The following FRMD4A variants were observed in gnomAD, a reference collection of about 807,000 sequenced individuals.
FRMD4A encodes the protein FERM domain containing 4A.
In FRMD4A, 29 loss-of-function variants were observed where a neutral mutation model predicts 129.1. The ratio of observed to expected loss-of-function variants is 0.22; its 90% CI spans 0.17 to 0.31. The LOEUF is 0.31. Among genes scored for constraint, FRMD4A ranks in the 10% least tolerant of loss-of-function variants. FRMD4A has a pLI of 1.00. For missense variants in FRMD4A, 1,272 were observed against 1,375.8 expected, an observed-to-expected ratio of 0.92 and a Z score of 1.19; for synonymous variants, 634 against 571.6, an observed-to-expected ratio of 1.11 and a Z score of -1.56.
At chr10:14,090,762 A>G (rs1447996329) in intron 2 of FRMD4A, among the ~76,000 whole-genome samples, 4 of 152,244 alleles carry the variant, frequency 2.6e-5, no homozygotes, top group Non-Finnish European at 5.9e-5. Context: ...CCGTGGATAT[A>G]AATTCATGAG....
intron 2 of FRMD4A, among the ~76,000 whole-genome samples, chr10:14,056,840 G>A (rs925553130): frequency 6.6e-6 from 1 of 152,144 alleles, no homozygotes; most frequent in African/African-American, 2.4e-5. Flanking sequence ...TATAGTTCTT[G>A]TTCTCTGTCA....
At chr10:13,750,113 A>AAAGAAAGAAAGAAATG (rs71388113) in intron 8 of FRMD4A, among the ~76,000 whole-genome samples, 3,582 of 106,620 alleles carry the variant, frequency 0.034, 136 homozygotes, top group Non-Finnish European at 0.046. Flanking sequence ...AGAAATGAAG[A>AAAGAAAGAAAGAAATG]AAGAAAGAAA....
At chr10:14,162,235 C>G (rs1840927806) in intron 2 of FRMD4A, among the ~76,000 whole-genome samples, 1 of 152,206 alleles carries the variant, frequency 6.6e-6, no homozygotes, top group African/African-American at 2.4e-5. Context: ...GGCCACCACA[C>G]TAGACAAGGC....
intron 3 of FRMD4A, among the ~76,000 whole-genome samples, chr10:13,832,652 C>T (rs1336322348): frequency 6.6e-6 from 1 of 152,142 alleles, no homozygotes; most frequent in Non-Finnish European, 1.5e-5. Flanking sequence ...CTCTTGGGAT[C>T]CTGCTAGGAA....
At chr10:14,184,298 A>ATGTTTTTTTTTTTTTTTTTTTTTTTTT (rs1842007059) in intron 2 of FRMD4A, among the ~76,000 whole-genome samples, 1 of 104,908 alleles carries the variant, frequency 9.5e-6, no homozygotes, top group Non-Finnish European at 2.0e-5. Flanking sequence ...CAACCGGTTA[A>ATGTTTTTTTTTTTTTTTTTTTTTTTTT]TTTTTTTTTT....
At chr10:14,253,882 C>T (rs1379420352) in intron 2 of FRMD4A, among the ~76,000 whole-genome samples, 1 of 152,142 alleles carries the variant, frequency 6.6e-6, no homozygotes, top group Non-Finnish European at 1.5e-5. Flanking sequence ...GTTTATGAAT[C>T]CTCTGTGGGT....
At chr10:13,649,008 A>G (rs1469493919) in intron 24 of FRMD4A, among the ~76,000 whole-genome samples, 1 of 152,164 alleles carries the variant, frequency 6.6e-6, no homozygotes. Flanking sequence ...CATATATTAA[A>G]GGTTCTGAGA....
intron 2 of FRMD4A, among the ~76,000 whole-genome samples, chr10:14,055,632 T>A (rs1003744894): frequency 6.6e-6 from 1 of 152,250 alleles, no homozygotes; most frequent in African/African-American, 2.4e-5. Flanking sequence ...AGATATTTGC[T>A]CTTTTCAGTT....
At chr10:14,304,045 A>C (rs1165557357) in intron 2 of FRMD4A, among the ~76,000 whole-genome samples, 2 of 152,194 alleles carry the variant, frequency 1.3e-5, no homozygotes, top group Non-Finnish European at 2.9e-5. Context: ...GCTGATAGAC[A>C]CTTGAGTTGC....
intron 2 of FRMD4A, among the ~76,000 whole-genome samples, chr10:14,055,464 C>A (rs200958421): frequency 6.6e-4 from 26 of 39,400 alleles, no homozygotes; most frequent in Admixed American, 1.9e-3. Context: ...CACACACAAA[C>A]ACACACACAC....
At chr10:14,142,369 T>G (rs1006580206) in intron 2 of FRMD4A, among the ~76,000 whole-genome samples, 1 of 152,198 alleles carries the variant, frequency 6.6e-6, no homozygotes, top group Non-Finnish European at 1.5e-5. Context: ...AGCAGAAAAT[T>G]TGATCTAGTA....
At position 13,800,531 on chromosome 10, in the gene FRMD4A, T is replaced by TGA. The variant is rs139515898; in HGVS notation, c.207-3945_207-3944dup. ...ACCAGCTCAAAGAATAAGGAGGACCTGAGAGAGAGAGAGAGAATATTCCAT... is the reference window on the plus strand; with the variant it reads ...ACCAGCTCAAAGAATAAGGAGGACCTGAGAGAGAGAGAGAGAGAATATTCCAT... On this transcript the variant is annotated intron_variant, in intron 4 of 24. Coordinates refer to ENST00000357447, the MANE Select transcript of FRMD4A (RefSeq NM_018027.5). Among the ~76,000 whole-genome samples the TGA allele has an allele frequency of 1.0e-2, 1,514 of 151,480 alleles. 22 individuals are homozygous for TGA. The highest frequency in any genetic ancestry group is 0.034 in the African/African-American group (1,414 of 41,326).
At chr10:13,697,933 A>G (rs1013391507) in intron 14 of FRMD4A, among the ~76,000 whole-genome samples, 3 of 152,120 alleles carry the variant, frequency 2.0e-5, no homozygotes, top group East Asian at 1.9e-4. Context: ...AACGTTTCTG[A>G]TCTCTGGGGT....
rs144412946 is a variant in FRMD4A, at chr10:13,832,215, C to T, written c.112-21307G>A. Among the ~76,000 whole-genome samples, 8 of 152,202 alleles carry T rather than the reference C, an allele frequency of 5.3e-5. No individual in the cohort carries two copies. In the East Asian group the frequency reaches 1.2e-3, roughly 22 times the overall value. ...CTGCTTTCGGCTGCTCCCTCTCGGC[C>T]ACTCTTCCAAGCTGCATCCCAAGCT... On this transcript the variant is annotated intron_variant, in intron 3 of 24. Transcript: ENST00000357447.
chr10:14,145,802 T>G (rs960292091), intron 2 of FRMD4A, among the ~76,000 whole-genome samples: 23 of 152,142 alleles, frequency 1.5e-4, no homozygotes, highest in African/African-American at 5.6e-4. Flanking sequence ...AGAGAGAAAC[T>G]GACCAAAAAC....
At chr10:14,310,174 GC>G (rs10709556) in intron 2 of FRMD4A, among the ~76,000 whole-genome samples, 152,322 of 152,322 alleles carry the variant, frequency 1, 76,161 homozygotes, top group Non-Finnish European at 1. Flanking sequence ...ATTTTGCTCA[GC>G]CCTTCCCTTG....
chr10:13,656,639 A>C lies in FRMD4A; in HGVS notation c.2950T>G (p.Ser984Ala). Residue 984 changes from serine (S) to alanine (A), a missense_variant, in exon 22 of 25, where the codon TCA becomes GCA. By Grantham distance (99) the Ser-to-Ala change is moderately conservative (BLOSUM62 1). Around this residue, in one of 2 missense-constraint regions of FRMD4A, gnomAD observed 972 missense variants for 892.3 expected, o/e 1.09. Transcript: ENST00000357447. ...TRMPQMCKAT[S>A]AALPQSQRSS... ...GCACCTGGCCGCCCCCTCTCACCTG[A>C]CGTGGCCTTGCACATCTGGGGCATC... 1 of 1,436,200 alleles carries C rather than the reference A, an allele frequency of 7.0e-7. No individual in the cohort carries two copies. The allele number at this position is 1,436,200 out of a possible 1,614,324, so 89.0% of individuals were successfully genotyped here. A position where few individuals can be genotyped will look rare whatever the true frequency, so the allele number is the denominator to read the frequency against.
At chr10:14,084,216 G>C (rs1824561) in intron 2 of FRMD4A, among the ~76,000 whole-genome samples, 19,745 of 152,138 alleles carry the variant, frequency 0.13, 1,793 homozygotes, top group African/African-American at 0.25. Context: ...GCATGATCTT[G>C]GCTCACTGCA....
chr10:13,666,049 G>A (rs769298424), intron 18 of FRMD4A, 48 bp downstream of exon 18: 15 of 1,175,058 alleles, frequency 1.3e-5, no homozygotes, highest in African/African-American at 3.0e-5. Context: ...TCTGGTTGCC[G>A]GGGCCCGGGC....
Sources: allele counts gnomAD v4.1 joint callset (sites outside exome capture counted in the v4.1 genomes callset), GRCh38; gene constraint gnomAD v4.1.1; regional missense constraint gnomAD v4.1.1; transcripts MANE v1.5; gene names NCBI Gene and HGNC (gene_info 2026-07-23, HGNC 2026-07-21).